DLGAP2: variants seen among roughly 807,000 people sequenced by gnomAD.
The protein encoded by DLGAP2 is disks large-associated protein 2.
In DLGAP2, 26 loss-of-function variants were observed where a neutral mutation model predicts 100.3. That is an observed-to-expected ratio of 0.26 (90% CI 0.19 to 0.36). The LOEUF is 0.36. Among genes scored for constraint, DLGAP2 ranks in the 10% least tolerant of loss-of-function variants. DLGAP2 has a pLI of 1.00. For synonymous variants in DLGAP2, 886 were observed against 630.1 expected, an observed-to-expected ratio of 1.41 and a Z score of -6.08; for missense variants, 1,858 against 1,453.2, an observed-to-expected ratio of 1.28 and a Z score of -4.53.
chr8:1,053,273 C>G (rs934214642), intron 2 of DLGAP2, among the ~76,000 whole-genome samples: 2 of 152,142 alleles, frequency 1.3e-5, no homozygotes, highest in Admixed American at 1.3e-4. Context: ...TTAATGCTAT[C>G]AGACCTCAGC....
chr8:1,079,873 C>A (rs971440950), intron 2 of DLGAP2, among the ~76,000 whole-genome samples: 2 of 152,198 alleles, frequency 1.3e-5, no homozygotes, highest in Non-Finnish European at 2.9e-5. Flanking sequence ...TTTGATTGGA[C>A]GTGGCAGGCA....
intron 1 of DLGAP2, among the ~76,000 whole-genome samples, chr8:824,451 G>T (rs1164197718): frequency 6.6e-6 from 1 of 152,140 alleles, no homozygotes; most frequent in Non-Finnish European, 1.5e-5. Context: ...TGCAGGAAAT[G>T]AGGGAGCGCG....
chr8:1,257,505 C>G (rs1162531227), intron 2 of DLGAP2, among the ~76,000 whole-genome samples: 4 of 108,884 alleles, frequency 3.7e-5, no homozygotes, highest in African/African-American at 1.2e-4. Flanking sequence ...CCGTGCCTTT[C>G]CTGGGACGTC....
chr8:1,514,410 T>A (rs1800288926), intron 4 of DLGAP2, among the ~76,000 whole-genome samples: 1 of 152,236 alleles, frequency 6.6e-6, no homozygotes, highest in Admixed American at 6.5e-5. Context: ...CGTTTTAAGC[T>A]CCACTTTTAA....
intron 2 of DLGAP2, among the ~76,000 whole-genome samples, chr8:1,015,158 AGAC>A (rs1201334696): frequency 2.8e-3 from 30 of 10,712 alleles, no homozygotes; most frequent in South Asian, 7.9e-3. Context: ...TGACCAGGAC[AGAC>A]GACGCCTCCA....
intron 4 of DLGAP2, among the ~76,000 whole-genome samples, chr8:1,502,856 C>T (rs1799770215): frequency 6.6e-6 from 1 of 152,154 alleles, no homozygotes; most frequent in African/African-American, 2.4e-5. Flanking sequence ...GCCCACGTGC[C>T]CCAGGGGCCT....
At chr8:1,114,152 A>C (rs892814364) in intron 2 of DLGAP2, among the ~76,000 whole-genome samples, 1 of 151,990 alleles carries the variant, frequency 6.6e-6, no homozygotes, top group East Asian at 1.9e-4. Context: ...TATTGGCCTG[A>C]AGTTTTCTTT....
intron 3 of DLGAP2, among the ~76,000 whole-genome samples, chr8:1,267,434 C>T (rs964061758): frequency 6.0e-5 from 9 of 149,784 alleles, no homozygotes; most frequent in East Asian, 4.0e-4. Flanking sequence ...GGTGTGGCGG[C>T]GGGCGCCTGT....
chr8:1,435,401 C>G (rs899271526), intron 3 of DLGAP2, among the ~76,000 whole-genome samples: 4 of 152,126 alleles, frequency 2.6e-5, no homozygotes, highest in Admixed American at 2.0e-4. Context: ...AGCGGTGGCC[C>G]TGTAAGATTA....
intron 2 of DLGAP2, among the ~76,000 whole-genome samples, chr8:1,152,859 C>G (rs894611250): frequency 2.6e-5 from 4 of 152,132 alleles, no homozygotes; most frequent in African/African-American, 9.7e-5. Flanking sequence ...CACAAAACAG[C>G]CATTTATCTT....
chr8:841,689 C>T (rs544557277), intron 1 of DLGAP2, among the ~76,000 whole-genome samples: 32 of 152,246 alleles, frequency 2.1e-4, no homozygotes, highest in African/African-American at 7.2e-4. Context: ...TCAAGCGATT[C>T]TCCTGCCTCA....
chr8:762,674 G>T (rs1335864804), intron 1 of DLGAP2, among the ~76,000 whole-genome samples: 1 of 151,992 alleles, frequency 6.6e-6, no homozygotes, highest in Non-Finnish European at 1.5e-5. Flanking sequence ...GTGACAGTTT[G>T]GTTGATTGAT....
chr8:931,538 A>T (rs911756982), intron 2 of DLGAP2, among the ~76,000 whole-genome samples: 1 of 152,182 alleles, frequency 6.6e-6, no homozygotes, highest in Non-Finnish European at 1.5e-5. Flanking sequence ...AGGCACTGCC[A>T]CTTGTCATGA....
intron 8 of DLGAP2, among the ~76,000 whole-genome samples, chr8:1,638,249 C>T (rs1797815606): frequency 6.6e-6 from 1 of 152,122 alleles, no homozygotes; most frequent in African/African-American, 2.4e-5. Flanking sequence ...CAGACAGACC[C>T]TTCGAAGAGG....
intron 4 of DLGAP2, among the ~76,000 whole-genome samples, chr8:1,524,015 C>G (rs1397099924): frequency 2.6e-5 from 4 of 152,216 alleles, no homozygotes; most frequent in African/African-American, 9.6e-5. Flanking sequence ...ATCAGATCAG[C>G]TGTGCTGTGT....
At chr8:1,456,008 T>C (rs985006183) in intron 3 of DLGAP2, among the ~76,000 whole-genome samples, 1 of 152,226 alleles carries the variant, frequency 6.6e-6, no homozygotes, top group African/African-American at 2.4e-5. Flanking sequence ...TGCCCCATGA[T>C]GCACACCAGC....
At position 960,697 on chromosome 8, in the gene DLGAP2, T is replaced by C. The variant is rs189840227; in HGVS notation, c.73+52731T>C. ...TACTGGAAATTGGACATACATTTAATTTACAGATGCTCCTCGACTTATGAT... is the reference window on the plus strand; with the variant it reads ...TACTGGAAATTGGACATACATTTAACTTACAGATGCTCCTCGACTTATGAT... On this transcript the variant is annotated intron_variant, in intron 2 of 14. Coordinates refer to ENST00000637795, the MANE Select transcript of DLGAP2 (RefSeq NM_001346810.2). 2.8e-3 allele frequency among the ~76,000 whole-genome samples: 433 copies of C among 152,356 alleles called. 3 individuals are homozygous for C. The highest frequency in any genetic ancestry group is 4.9e-3 in the Non-Finnish European group (336 of 68,030).
chr8:1,547,389 C>G (rs1157652859), intron 4 of DLGAP2, among the ~76,000 whole-genome samples: 2 of 151,756 alleles, frequency 1.3e-5, no homozygotes, highest in Non-Finnish European at 2.9e-5. Context: ...GGGGGTCAGC[C>G]CCACAGCTGT....
At chr8:1,043,632 G>A (rs1018997982) in intron 2 of DLGAP2, among the ~76,000 whole-genome samples, 1 of 151,940 alleles carries the variant, frequency 6.6e-6, no homozygotes, top group African/African-American at 2.4e-5. Context: ...GGGGGATGAA[G>A]GGGGAACATG....
Sources: gnomAD v4.1 joint callset for allele counts (sites outside exome capture counted in the v4.1 genomes callset) on GRCh38, gnomAD v4.1.1 for gene constraint, MANE v1.5 for transcripts, NCBI Gene and HGNC (gene_info 2026-07-23, HGNC 2026-07-21) for gene names.